SUSD5: variants seen among roughly 807,000 people sequenced by gnomAD.
SUSD5 encodes the protein sushi domain-containing protein 5.
In SUSD5, 33 loss-of-function variants were observed where a neutral mutation model predicts 29.5. The observed-to-expected ratio is 1.12, with a 90% CI of 0.85 to 1.49. The LOEUF (loss-of-function observed/expected upper bound fraction) is 1.49, where lower values mean the gene tolerates loss of function less well. Ranked by LOEUF, SUSD5 falls within the 40% of genes most tolerant of loss-of-function variation. The pLI is 0.00. For missense variants in SUSD5, 776 were observed against 800.6 expected, an observed-to-expected ratio of 0.97 and a Z score of 0.37; for synonymous variants, 308 against 325.3, an observed-to-expected ratio of 0.95 and a Z score of 0.57.
chr3:33,152,675 T>G lies in SUSD5; in HGVS notation c.*67A>C. The G allele has an allele frequency of 6.8e-7, 1 of 1,475,062 alleles. No individual in the cohort carries two copies. Among genetic ancestry groups the G allele is most frequent in the South Asian group, 1.4e-5 (1 of 73,880 alleles). The allele number at this position is 1,475,062 out of a possible 1,614,324, so 91.4% of individuals were successfully genotyped here. A position where few individuals can be genotyped will look rare whatever the true frequency, so the allele number is the denominator to read the frequency against. On this transcript the variant is annotated 3_prime_UTR_variant, in exon 5 of 5. Coordinates refer to ENST00000309558, the MANE Select transcript of SUSD5 (RefSeq NM_015551.2). ...TCCACCTGCGTCATGCTCTAGTGAATTATCGTGTGATGTGTCACAGTTATT... is the reference window on the plus strand; with the variant it reads ...TCCACCTGCGTCATGCTCTAGTGAAGTATCGTGTGATGTGTCACAGTTATT...
chr3:33,175,747 A>AC (rs2031539557), intron 3 of SUSD5, among the ~76,000 whole-genome samples: 2 of 151,862 alleles, frequency 1.3e-5, no homozygotes, highest in Admixed American at 1.3e-4. Context: ...GTTCCCCTAT[A>AC]CCCCCGACCC....
At chr3:33,171,356 A>AG (rs397726317) in intron 4 of SUSD5, among the ~76,000 whole-genome samples, 5 of 151,428 alleles carry the variant, frequency 3.3e-5, no homozygotes, top group South Asian at 2.1e-4. Context: ...AAAAAAAAAA[A>AG]GGGTATTATG....
intron 3 of SUSD5, among the ~76,000 whole-genome samples, chr3:33,193,445 A>G (rs1462874313): frequency 6.6e-6 from 1 of 152,148 alleles, no homozygotes; most frequent in African/African-American, 2.4e-5. Flanking sequence ...ACAAGGTGTT[A>G]GGGGTGAGAT....
intron 3 of SUSD5, among the ~76,000 whole-genome samples, chr3:33,177,866 T>C (rs960400360): frequency 3.9e-5 from 6 of 152,226 alleles, no homozygotes; most frequent in Non-Finnish European, 8.8e-5. Context: ...TAGTTCCAGC[T>C]TTTTGTTGTT....
Position 33,152,505 on chromosome 3 carries a change from T to C in SUSD5, c.*237A>G. 5.7e-6 allele frequency: 3 copies of C among 528,008 alleles called. No homozygotes were observed. Among genetic ancestry groups the C allele is most frequent in the Non-Finnish European group, 1.0e-5 (3 of 300,366 alleles). 32.7% of individuals were successfully genotyped at this position (528,008 alleles called of 1,614,324 possible). A position where few individuals can be genotyped will look rare whatever the true frequency, so the allele number is the denominator to read the frequency against. On this transcript the variant is annotated 3_prime_UTR_variant, in exon 5 of 5. Coordinates refer to ENST00000309558, the MANE Select transcript of SUSD5 (RefSeq NM_015551.2). ...CAGGGCCCAAGCACAGGTCTGGGAT[T>C]AGTGTAGTCAATTCCAGGGCAGATG...
intron 3 of SUSD5, among the ~76,000 whole-genome samples, chr3:33,203,896 T>C (rs2032165859): frequency 6.6e-6 from 1 of 152,114 alleles, no homozygotes; most frequent in South Asian, 2.1e-4. Flanking sequence ...TGGAGAAGTA[T>C]GTAGACCATT....
chr3:33,190,830 T>A (rs1344291106), intron 3 of SUSD5, among the ~76,000 whole-genome samples: 1 of 152,188 alleles, frequency 6.6e-6, no homozygotes, highest in African/African-American at 2.4e-5. Flanking sequence ...TTTACTCCTA[T>A]CACAGCAGAG....
At chr3:33,197,015 A>G (rs932403037) in intron 3 of SUSD5, among the ~76,000 whole-genome samples, 22 of 152,182 alleles carry the variant, frequency 1.4e-4, no homozygotes, top group African/African-American at 5.3e-4. Context: ...TGTTGTGAGG[A>G]TTAAATGAGT....
chr3:33,213,264 G>A (rs1388079771), intron 2 of SUSD5, among the ~76,000 whole-genome samples: 1 of 151,982 alleles, frequency 6.6e-6, no homozygotes, highest in African/African-American at 2.4e-5. Context: ...AAATTAGCCA[G>A]GTGTTGTGGC....
intron 1 of SUSD5, 28 bp downstream of exon 1, chr3:33,218,658 C>T: frequency 7.8e-7 from 1 of 1,276,574 alleles, no homozygotes; most frequent in African/African-American, 1.5e-5. Context: ...CGCTCCACCC[C>T]CCGCCCCGCC....
intron 3 of SUSD5, among the ~76,000 whole-genome samples, chr3:33,178,670 T>C (rs1005884183): frequency 6.6e-6 from 1 of 152,244 alleles, no homozygotes; most frequent in Non-Finnish European, 1.5e-5. Context: ...ATGGTCTCAA[T>C]CTCGTGACCT....
chr3:33,211,247 T>C (rs1439995997), intron 2 of SUSD5, among the ~76,000 whole-genome samples: 1 of 152,184 alleles, frequency 6.6e-6, no homozygotes, highest in African/African-American at 2.4e-5. Flanking sequence ...TCCACTAATA[T>C]GTCTTAATAC....
chr3:33,155,936 G>A (rs1025506381), intron 4 of SUSD5, among the ~76,000 whole-genome samples: 1 of 152,052 alleles, frequency 6.6e-6, no homozygotes, highest in Non-Finnish European at 1.5e-5. Context: ...GGCAATATTC[G>A]ATTTCTTCAC....
chr3:33,200,235 G>A (rs566229973), intron 3 of SUSD5, among the ~76,000 whole-genome samples: 3 of 152,156 alleles, frequency 2.0e-5, no homozygotes, highest in Admixed American at 6.5e-5. Context: ...CACAGACACC[G>A]AACCTGCCAG....
chr3:33,194,966 G>C (rs2125627835), intron 3 of SUSD5, among the ~76,000 whole-genome samples: 1 of 152,264 alleles, frequency 6.6e-6, no homozygotes, highest in African/African-American at 2.4e-5. Flanking sequence ...AGGCCGAGGT[G>C]GGTGGATCAC....
At position 33,152,812 on chromosome 3, in the gene SUSD5, A is replaced by C; in HGVS notation, c.1820T>G (p.Val607Gly). 1 of 1,613,978 alleles carries C rather than the reference A, an allele frequency of 6.2e-7. No homozygotes were observed. Among genetic ancestry groups the C allele is most frequent in the Non-Finnish European group, 8.5e-7 (1 of 1,179,878 alleles). ...GYRKCQHKSS[V>G]YKLNVGQRQA... is the part of the protein sequence containing the mutation. ...CCGCTGGCCAACATTCAGCTTGTACACAGAGCTCTTGTGCTGGCACTTGCG... is the reference window on the plus strand; with the variant it reads ...CCGCTGGCCAACATTCAGCTTGTACCCAGAGCTCTTGTGCTGGCACTTGCG... Residue 607 changes from valine (V) to glycine (G), a missense_variant, in exon 5 of 5, where the codon GTG (valine) becomes GGG (glycine). Transcript: ENST00000309558.
chr3:33,177,805 G>A (rs2031583445), intron 3 of SUSD5, among the ~76,000 whole-genome samples: 1 of 152,144 alleles, frequency 6.6e-6, no homozygotes, highest in Non-Finnish European at 1.5e-5. Flanking sequence ...TATACTTTAA[G>A]TTCTGGGATA....
intron 4 of SUSD5, among the ~76,000 whole-genome samples, chr3:33,158,411 G>A (rs1313705628): frequency 6.6e-6 from 1 of 152,132 alleles, no homozygotes; most frequent in Non-Finnish European, 1.5e-5. Flanking sequence ...TGGCTGGTGA[G>A]AGCATCTCTT....
At chr3:33,192,257 T>TC (rs1368780151) in intron 3 of SUSD5, among the ~76,000 whole-genome samples, 1 of 149,932 alleles carries the variant, frequency 6.7e-6, no homozygotes. Flanking sequence ...TTCTTTTTTT[T>TC]TTTTTTGTAT....
Sources: gnomAD v4.1 joint callset for allele counts (sites outside exome capture counted in the v4.1 genomes callset) on GRCh38, gnomAD v4.1.1 for gene constraint, MANE v1.5 for transcripts, NCBI Gene and HGNC (gene_info 2026-07-23, HGNC 2026-07-21) for gene names.